The following CTNNA3 variants were observed in gnomAD, a reference collection of about 807,000 sequenced individuals.
The protein encoded by CTNNA3 is catenin alpha-3.
In CTNNA3, 76 loss-of-function variants were observed where a neutral mutation model predicts 95.7. The ratio of observed to expected loss-of-function variants is 0.79; its 90% CI spans 0.66 to 0.96. The LOEUF is 0.96. Ranked by LOEUF, CTNNA3 falls within the 40% of genes least tolerant of loss-of-function variation. The probability of loss-of-function intolerance (pLI) is 0.00; values close to 1 mark genes in which losing one functional copy is unlikely to be tolerated. For synonymous variants in CTNNA3, 431 were observed against 374.4 expected (o/e 1.15, Z -1.74); for missense variants, 1,191 against 1,089.8 (o/e 1.09, Z -1.31).
chr10:67,476,919 C>T (rs1453191741), intron 5 of CTNNA3, among the ~76,000 whole-genome samples: 1 of 151,782 alleles, frequency 6.6e-6, no homozygotes, highest in African/African-American at 2.4e-5. Context: ...TTCAGAGTAC[C>T]TGCTCACCTA....
chr10:66,626,319 T>C (rs1163963269), intron 9 of CTNNA3, among the ~76,000 whole-genome samples: 2 of 152,166 alleles, frequency 1.3e-5, no homozygotes, highest in Non-Finnish European at 1.5e-5. Context: ...AAGCAAACCT[T>C]GATGTTTGCT....
chr10:66,067,788 C>T (rs570247017), intron 15 of CTNNA3, among the ~76,000 whole-genome samples: 60 of 151,960 alleles, frequency 3.9e-4, no homozygotes, highest in South Asian at 1.2e-3. Context: ...TGGTGTTGTG[C>T]GCCTGTAGTC....
At chr10:66,076,806 A>G (rs2080571554) in intron 14 of CTNNA3, among the ~76,000 whole-genome samples, 1 of 151,778 alleles carries the variant, frequency 6.6e-6, no homozygotes, top group South Asian at 2.1e-4. Flanking sequence ...AAATTATGCC[A>G]TTTAAATAAT....
intron 5 of CTNNA3, among the ~76,000 whole-genome samples, chr10:67,256,543 A>G (rs1866359661): frequency 6.6e-6 from 1 of 152,202 alleles, no homozygotes; most frequent in Non-Finnish European, 1.5e-5. Flanking sequence ...TTTATCTGAA[A>G]GATTACCCAA....
At chr10:66,610,930 T>C (rs900429438) in intron 10 of CTNNA3, among the ~76,000 whole-genome samples, 1 of 152,158 alleles carries the variant, frequency 6.6e-6, no homozygotes, top group Non-Finnish European at 1.5e-5. Flanking sequence ...GTGGCATATG[T>C]GTGTGTATAT....
chr10:66,800,069 G>A (rs986263026), intron 7 of CTNNA3, among the ~76,000 whole-genome samples: 4 of 151,118 alleles, frequency 2.6e-5, no homozygotes, highest in Admixed American at 2.6e-4. Flanking sequence ...ACTAAAGAAA[G>A]GTCTTTAAGT....
chr10:67,482,101 G>C (rs1371448824), intron 5 of CTNNA3, among the ~76,000 whole-genome samples: 5 of 151,844 alleles, frequency 3.3e-5, no homozygotes, highest in Non-Finnish European at 7.4e-5. Flanking sequence ...CTGTTCCATT[G>C]ATCTATATCT....
At chr10:65,993,812 T>A in intron 15 of CTNNA3, among the ~76,000 whole-genome samples, 1 of 152,168 alleles carries the variant, frequency 6.6e-6, no homozygotes, top group East Asian at 1.9e-4. Context: ...CTCAGCTCAC[T>A]GCAACCTCCA....
chr10:67,126,670 C>T (rs972328556), intron 7 of CTNNA3, among the ~76,000 whole-genome samples: 3 of 152,340 alleles, frequency 2.0e-5, no homozygotes, highest in African/African-American at 7.2e-5. Context: ...CAAATATATG[C>T]TGACTAAACT....
At chr10:67,611,480 AT>A (rs368292387) in intron 2 of CTNNA3, among the ~76,000 whole-genome samples, 5,472 of 151,340 alleles carry the variant, frequency 0.036, 98 homozygotes, top group Middle Eastern at 0.079. Context: ...CGCCTGGCTA[AT>A]TTTTTTTGTA....
rs193084405 is a variant in CTNNA3 at position 66,379,093 on chromosome 10, C to T, written c.1732+59G>A. ...AATCTTTCCCACATGTATGAATATT[C>T]GTAGCTATGTAGATTCAAATAAGAG... On this transcript the variant is annotated intron_variant, in intron 12 of 17. Coordinates refer to ENST00000433211, the MANE Select transcript of CTNNA3 (RefSeq NM_013266.4). 233 of 1,354,542 alleles carry T rather than the reference C, an allele frequency of 1.7e-4. 2 individuals carry two copies. In the African/African-American group the frequency reaches 2.7e-3, roughly 16 times the overall value. 83.9% of individuals were successfully genotyped at this position (1,354,542 alleles called of 1,614,324 possible).
chr10:67,541,284 T>C (rs1435895128), intron 3 of CTNNA3, among the ~76,000 whole-genome samples: 1 of 152,006 alleles, frequency 6.6e-6, no homozygotes, highest in Non-Finnish European at 1.5e-5. Flanking sequence ...AGGGTCTGTC[T>C]TATCCATTTA....
chr10:66,542,500 C>T (rs936897037), intron 10 of CTNNA3, among the ~76,000 whole-genome samples: 1 of 152,036 alleles, frequency 6.6e-6, no homozygotes, highest in Non-Finnish European at 1.5e-5. Flanking sequence ...AAATGTCCAA[C>T]AATGATAGAC....
At chr10:66,884,666 C>G (rs1472303592) in intron 7 of CTNNA3, among the ~76,000 whole-genome samples, 1 of 152,118 alleles carries the variant, frequency 6.6e-6, no homozygotes, top group Non-Finnish European at 1.5e-5. Context: ...TTCAGAATTC[C>G]TATCTCACAG....
At chr10:66,658,504 T>C (rs1415310077) in intron 9 of CTNNA3, among the ~76,000 whole-genome samples, 1 of 152,084 alleles carries the variant, frequency 6.6e-6, no homozygotes, top group Non-Finnish European at 1.5e-5. Flanking sequence ...TCAGTGAAAA[T>C]ATAAGAGAGG....
intron 15 of CTNNA3, among the ~76,000 whole-genome samples, chr10:66,063,203 T>C (rs1400845302): frequency 2.5e-5 from 3 of 120,580 alleles, no homozygotes; most frequent in African/African-American, 3.5e-5. Flanking sequence ...TGTATATATA[T>C]ATATATATAT....
chr10:67,629,721 C>G (rs1222882706), intron 2 of CTNNA3, among the ~76,000 whole-genome samples: 1 of 152,106 alleles, frequency 6.6e-6, no homozygotes, highest in Non-Finnish European at 1.5e-5. Context: ...ATGAGTCCCA[C>G]AGAGGCTGAA....
At chr10:65,949,788 T>C (rs2077579455) in intron 17 of CTNNA3, among the ~76,000 whole-genome samples, 3 of 152,122 alleles carry the variant, frequency 2.0e-5, no homozygotes, top group African/African-American at 7.2e-5. Flanking sequence ...TAACCACTCA[T>C]ACATAGTGAC....
At position 67,180,667 on chromosome 10, in the gene CTNNA3, G is replaced by T. The variant is rs1414709264; in HGVS notation, c.844-147C>A. On this transcript the variant is annotated intron_variant, in intron 6 of 17. Transcript: ENST00000433211. ...CTGCCTCGGCTGGTTCACACATAAT[G>T]CTATGTAGTGATTATTATTCTGATA... 9.2e-5 allele frequency: 58 copies of T among 632,928 alleles called. No homozygotes were observed. The East Asian group carries it at 1.5e-3, about 17-fold the overall frequency. The allele number at this position is 632,928 out of a possible 1,614,324, so 39.2% of individuals were successfully genotyped here.
Sources: gnomAD v4.1 joint callset for allele counts (sites outside exome capture counted in the v4.1 genomes callset) on GRCh38, gnomAD v4.1.1 for gene constraint, MANE v1.5 for transcripts, NCBI Gene and HGNC (gene_info 2026-07-23, HGNC 2026-07-21) for gene names.